The following PLCL2 variants were observed in gnomAD, a reference collection of about 807,000 sequenced individuals.
The protein encoded by PLCL2 is phospholipase C like 2.
PLCL2 carries 4 observed loss-of-function variants against 79.6 expected under a neutral mutation model. The observed-to-expected ratio is 0.05, with a 90% CI of 0.02 to 0.11. The LOEUF is 0.11. PLCL2 is among the 10% of genes least tolerant of loss of function. The pLI is 1.00. For synonymous variants in PLCL2, 484 were observed against 457.7 expected (o/e 1.06, Z -0.73); for missense variants, 895 against 1,291.0 (o/e 0.69, Z 4.70).
chr3:16,890,278 A>G (rs1473301243), intron 1 of PLCL2, among the ~76,000 whole-genome samples: 1 of 152,190 alleles, frequency 6.6e-6, no homozygotes, highest in Admixed American at 6.5e-5. Context: ...TTTTTCATCA[A>G]ATCCAAATAG....
At chr3:17,076,362 G>A (rs758893855) in intron 5 of PLCL2, among the ~76,000 whole-genome samples, 1 of 151,760 alleles carries the variant, frequency 6.6e-6, no homozygotes, top group African/African-American at 2.4e-5. Flanking sequence ...AAACTTTTTG[G>A]TGATTATTTC....
chr3:17,085,673 T>C (rs2065211312), intron 5 of PLCL2, among the ~76,000 whole-genome samples: 2 of 146,440 alleles, frequency 1.4e-5, no homozygotes, highest in Middle Eastern at 4.4e-3. Context: ...ATGGTCTCGA[T>C]CTCCTGACCT....
intron 3 of PLCL2, among the ~76,000 whole-genome samples, chr3:17,025,305 T>C (rs1048725716): frequency 2.0e-5 from 3 of 152,200 alleles, no homozygotes; most frequent in Non-Finnish European, 4.4e-5. Context: ...CTTATGTAGT[T>C]TAGAGAGGTA....
chr3:17,053,982 C>A (rs138571174), intron 4 of PLCL2, among the ~76,000 whole-genome samples: 2,229 of 152,220 alleles, frequency 0.015, 64 homozygotes, highest in African/African-American at 0.051. Flanking sequence ...ATGGGCTTTT[C>A]TTTTCTACCA....
chr3:16,908,734 T>C (rs1259290584), intron 1 of PLCL2, among the ~76,000 whole-genome samples: 1 of 152,014 alleles, frequency 6.6e-6, no homozygotes, highest in African/African-American at 2.4e-5. Context: ...CAGGTTGGGG[T>C]GTTGGGGATT....
intron 1 of PLCL2, among the ~76,000 whole-genome samples, chr3:16,896,984 T>C (rs1696496909): frequency 6.6e-6 from 1 of 152,190 alleles, no homozygotes; most frequent in Non-Finnish European, 1.5e-5. Context: ...TGTGAAACCT[T>C]TCTTATATGT....
Position 17,089,336 on chromosome 3 carries a change from AT to A in PLCL2, c.3205-394del, listed in dbSNP as rs144020580. 3.9e-5 allele frequency among the ~76,000 whole-genome samples: 6 copies of A among 152,270 alleles called. No individual in the cohort carries two copies. In the South Asian group the frequency reaches 1.0e-3, roughly 26 times the overall value. On this transcript the variant is annotated intron_variant, in intron 5 of 5. Coordinates refer to ENST00000615277, the MANE Select transcript of PLCL2 (RefSeq NM_001144382.2). ...GGTATACAAGACCTCTCTGTACTAT[AT>A]TTGTATCCTTCTGTGAGTTTATACT...
rs60653040 is a variant in PLCL2, at chr3:16,989,017, TTC to T, written c.328-20646_328-20645del. ...GATGTCTATAACAGAGCTGTTTTTG[TTC>T]TCTCTCTCTCACTTTTTTGAGAACA... On this transcript the variant is annotated intron_variant, in intron 1 of 5. Coordinates refer to ENST00000615277, the MANE Select transcript of PLCL2 (RefSeq NM_001144382.2). 2.0e-5 allele frequency among the ~76,000 whole-genome samples: 3 copies of T among 151,870 alleles called. No individual in the cohort carries two copies. The East Asian group carries it at 5.8e-4, about 29-fold the overall frequency.
At chr3:16,988,540 G>C (rs1376357707) in intron 1 of PLCL2, among the ~76,000 whole-genome samples, 1 of 152,102 alleles carries the variant, frequency 6.6e-6, no homozygotes, top group South Asian at 2.1e-4. Flanking sequence ...AGTCTTTTCA[G>C]TGGACAGTGG....
chr3:17,089,789 A>T lies in PLCL2; in HGVS notation c.3261A>T (p.Gln1087His). Residue 1087 changes from glutamine to histidine, a missense_variant, in exon 6 of 6, where the codon CAA (glutamine) becomes CAT (histidine). Gln to His is a conservative substitution (Grantham distance 24, BLOSUM62 0). Around this residue, in one of 6 missense-constraint regions of PLCL2, gnomAD observed 298 missense variants for 459.6 expected, o/e 0.65. Coordinates refer to ENST00000615277, the MANE Select transcript of PLCL2 (RefSeq NM_001144382.2). ...AKNETLENLK[Q>H]IHFAAVSCGL... ...ATGAGACATTGGAGAACCTGAAACA[A>T]ATCCATTTTGCTGCTGTTTCATGTG... The T allele has an allele frequency of 6.2e-7, 1 of 1,613,970 alleles. No homozygotes were observed. Among genetic ancestry groups the T allele is most frequent in the Non-Finnish European group, 8.5e-7 (1 of 1,179,854 alleles).
In PLCL2 at chr3:16,976,456, C is replaced by T. The variant is rs1025805842; in HGVS notation, c.328-33218C>T. ...TTCTTAGGAGAAACCTGTTTTTGCT[C>T]TTAAGGCCTTCAACTAATTTGATGA... On this transcript the variant is annotated intron_variant, in intron 1 of 5. Transcript: ENST00000615277. 2.0e-5 allele frequency among the ~76,000 whole-genome samples: 3 copies of T among 152,108 alleles called. No homozygotes were observed. The East Asian group carries it at 5.8e-4, about 29-fold the overall frequency.
chr3:16,914,887 T>C (rs1403888276), intron 1 of PLCL2, among the ~76,000 whole-genome samples: 1 of 152,114 alleles, frequency 6.6e-6, no homozygotes, highest in Non-Finnish European at 1.5e-5. Flanking sequence ...AATGCCACAA[T>C]GTCCAGCTAA....
At position 16,907,478 on chromosome 3, in the gene PLCL2, A is replaced by G. The variant is rs143201690; in HGVS notation, c.327+22112A>G. 2.4e-3 allele frequency among the ~76,000 whole-genome samples: 368 copies of G among 152,216 alleles called. 1 individual carries two copies. The highest frequency in any genetic ancestry group is 4.2e-3 in the Non-Finnish European group (283 of 68,006). On this transcript the variant is annotated intron_variant, in intron 1 of 5. Coordinates refer to ENST00000615277, the MANE Select transcript of PLCL2 (RefSeq NM_001144382.2). The stretch of plus-strand genomic sequence containing the variant: ...TAGTCAGATGCTTGGAGCACCTACC[A>G]CTATTCAGGACTCCTTGCCCAAATG...
chr3:17,025,535 T>A (rs535700240), intron 3 of PLCL2, among the ~76,000 whole-genome samples: 44 of 152,364 alleles, frequency 2.9e-4, no homozygotes, highest in African/African-American at 1.0e-3. Context: ...TGGAATATAC[T>A]TTATAAAATG....
intron 5 of PLCL2, among the ~76,000 whole-genome samples, chr3:17,074,723 G>A (rs73025690): frequency 0.014 from 2,153 of 152,354 alleles, 36 homozygotes; most frequent in Non-Finnish European, 0.021. Context: ...AGCACTTGCT[G>A]CTTCGCATTG....
chr3:17,064,703 A>G (rs1211838373), intron 4 of PLCL2, among the ~76,000 whole-genome samples: 1 of 152,106 alleles, frequency 6.6e-6, no homozygotes. Context: ...GTCATTTCTA[A>G]GTTAATAACA....
At chr3:17,087,759 ACT>A (rs897280028) in intron 5 of PLCL2, among the ~76,000 whole-genome samples, 3 of 151,812 alleles carry the variant, frequency 2.0e-5, no homozygotes, top group Non-Finnish European at 2.9e-5. Flanking sequence ...GCGTAAGGGA[ACT>A]CTCTGTGGTT....
rs1195411033 is a variant in PLCL2, at chr3:16,886,095, G to GT, written c.327+733dup. 6.6e-6 allele frequency among the ~76,000 whole-genome samples: 1 copy of GT among 152,124 alleles called. No individual in the cohort carries two copies. The highest frequency in any genetic ancestry group is 6.5e-5 in the Admixed American group (1 of 15,276). The stretch of plus-strand genomic sequence containing the variant: ...TGTTAGCGGAAGAAAGCCAGCGATT[G>GT]TTTTGAGCATTTTAAACTCAAGAAG... On this transcript the variant is annotated intron_variant, in intron 1 of 5. Coordinates refer to ENST00000615277, the MANE Select transcript of PLCL2 (RefSeq NM_001144382.2). The surrounding 1 kb of genome is among the most constrained non-coding windows in gnomAD (Gnocchi z 4.2).
At chr3:17,035,123 T>A (rs567961260) in intron 3 of PLCL2, among the ~76,000 whole-genome samples, 1 of 152,214 alleles carries the variant, frequency 6.6e-6, no homozygotes, top group East Asian at 1.9e-4. Flanking sequence ...GTGGAGAAAA[T>A]TTTCAATTAT....
Sources: allele counts gnomAD v4.1 joint callset (sites outside exome capture counted in the v4.1 genomes callset), GRCh38; gene constraint gnomAD v4.1.1; regional missense constraint gnomAD v4.1.1; non-coding constraint Gnocchi (gnomAD v3.1); transcripts MANE v1.5; gene names NCBI Gene and HGNC (gene_info 2026-07-23, HGNC 2026-07-21).